Variants in DPYSL5 observed in about 807,000 individuals in gnomAD.
DPYSL5 encodes the protein dihydropyrimidinase-related protein 5.
In DPYSL5, 9 loss-of-function variants were observed where a neutral mutation model predicts 58.4. The observed-to-expected ratio is 0.15, with a 90% CI of 0.09 to 0.27. DPYSL5 has a LOEUF of 0.27. Ranked by LOEUF, DPYSL5 falls within the 10% of genes least tolerant of loss-of-function variation. The pLI is 1.00. For synonymous variants in DPYSL5, 293 were observed against 301.9 expected (o/e 0.97, Z 0.31); for missense variants, 499 against 770.6 (o/e 0.65, Z 4.17).
At chr2:26,923,103 A>G (rs1664742991) in intron 2 of DPYSL5, among the ~76,000 whole-genome samples, 1 of 152,212 alleles carries the variant, frequency 6.6e-6, no homozygotes, top group African/African-American at 2.4e-5. Flanking sequence ...ATTTAACTGA[A>G]TAGAGAAGCA....
intron 2 of DPYSL5, among the ~76,000 whole-genome samples, chr2:26,907,136 A>G (rs1282412370): frequency 6.6e-6 from 1 of 150,880 alleles, no homozygotes; most frequent in South Asian, 2.1e-4. Flanking sequence ...TTTTTTTGAG[A>G]TGGAGTCTTG....
rs535264835 is a variant in DPYSL5, at chr2:26,924,475, TTA to T, written c.262-410_262-409del. ...CAGACATTTGATTATGCCATCAATATTATGTTATTATATGATACAACACTATA... is the reference window on the plus strand; with the variant it reads ...CAGACATTTGATTATGCCATCAATATTGTTATTATATGATACAACACTATA... On this transcript the variant is annotated intron_variant, in intron 2 of 12. Transcript: ENST00000288699. The surrounding 1 kb of genome is among the most constrained non-coding windows in gnomAD (Gnocchi z 4.7). Among the ~76,000 whole-genome samples the T allele has an allele frequency of 5.0e-3, 764 of 152,276 alleles. 4 individuals carry two copies. Among genetic ancestry groups the T allele is most frequent in the Non-Finnish European group, 8.3e-3 (567 of 67,964 alleles).
intron 1 of DPYSL5, among the ~76,000 whole-genome samples, chr2:26,878,978 C>T (rs762183084): frequency 7.2e-5 from 11 of 152,206 alleles, no homozygotes; most frequent in Admixed American, 2.6e-4. Context: ...TTTCTGGTAC[C>T]GGCAGCCCTT....
intron 2 of DPYSL5, among the ~76,000 whole-genome samples, chr2:26,901,135 A>G (rs917992975): frequency 3.3e-5 from 5 of 152,078 alleles, no homozygotes; most frequent in Non-Finnish European, 5.9e-5. Flanking sequence ...TCCCATTTCT[A>G]CAGGTTCAGG....
rs1665089117 is a variant in DPYSL5 at position 26,933,452 on chromosome 2, C to T, written c.790+119C>T. 2 of 897,480 alleles carry T rather than the reference C, an allele frequency of 2.2e-6. No individual in the cohort carries two copies. The highest frequency in any genetic ancestry group is 2.0e-5 in the Admixed American group (1 of 50,502). The allele number at this position is 897,480 out of a possible 1,614,324, so 55.6% of individuals were successfully genotyped here. On this transcript the variant is annotated intron_variant, in intron 7 of 12. Transcript: ENST00000288699. The surrounding 1 kb of genome is among the most constrained non-coding windows in gnomAD (Gnocchi z 4.2). ...CCTGAAACCAGGACCTGAGCCAGCC[C>T]TTCCCTTTCATCTGCCACCGTCTTC...
chr2:26,912,756 G>A (rs911721963), intron 2 of DPYSL5, among the ~76,000 whole-genome samples: 5 of 152,238 alleles, frequency 3.3e-5, no homozygotes, highest in Admixed American at 3.3e-4. Context: ...CTGGATTAGA[G>A]AGAAGCCTGG....
intron 1 of DPYSL5, among the ~76,000 whole-genome samples, chr2:26,852,615 A>C (rs1322070582): frequency 6.6e-6 from 1 of 152,106 alleles, no homozygotes; most frequent in African/African-American, 2.4e-5. Flanking sequence ...CCTCGTCACA[A>C]TCCAGGCTCA....
Position 26,898,940 on chromosome 2 carries a change from C to T in DPYSL5, c.261+180C>T, listed in dbSNP as rs1664085748. Among the ~76,000 whole-genome samples, 2 of 152,174 alleles carry T rather than the reference C, an allele frequency of 1.3e-5. No individual in the cohort carries two copies. Among genetic ancestry groups the T allele is most frequent in the Admixed American group, 6.5e-5 (1 of 15,284 alleles). ...ATTTCCGGCTTAACGTCACAGATTT[C>T]CATGATTATAGAAAAGGAGGCGTTT... On this transcript the variant is annotated intron_variant, in intron 2 of 12. Transcript: ENST00000288699. The surrounding 1 kb of genome is among the most constrained non-coding windows in gnomAD (Gnocchi z 6.1).
chr2:26,852,033 CTG>C (rs1558317217), intron 1 of DPYSL5, among the ~76,000 whole-genome samples: 1 of 152,184 alleles, frequency 6.6e-6, no homozygotes, highest in African/African-American at 2.4e-5. Flanking sequence ...ACAAGAGTAT[CTG>C]AGACCCAGTC....
intron 1 of DPYSL5, among the ~76,000 whole-genome samples, chr2:26,848,844 G>C (rs916918359): frequency 3.9e-5 from 6 of 152,166 alleles, no homozygotes; most frequent in African/African-American, 1.4e-4. Flanking sequence ...CGAGCCTCCC[G>C]CCTGAGCCAC....
chr2:26,882,108 A>G (rs923038405), intron 1 of DPYSL5, among the ~76,000 whole-genome samples: 1 of 150,702 alleles, frequency 6.6e-6, no homozygotes, highest in Non-Finnish European at 1.5e-5. Flanking sequence ...AAAAAAAAAA[A>G]AAAAGAAAGA....
chr2:26,868,331 A>G (rs1663165177), intron 1 of DPYSL5, among the ~76,000 whole-genome samples: 1 of 152,078 alleles, frequency 6.6e-6, no homozygotes, highest in African/African-American at 2.4e-5. Flanking sequence ...AAAAATTTAA[A>G]CATTTTTATC....
intron 5 of DPYSL5, among the ~76,000 whole-genome samples, chr2:26,930,878 G>T (rs1664953362): frequency 6.6e-6 from 1 of 151,730 alleles, no homozygotes; most frequent in Non-Finnish European, 1.5e-5. Flanking sequence ...GGAGGCTGGG[G>T]CAGGAGAATG....
At chr2:26,903,663 G>A (rs1664217168) in intron 2 of DPYSL5, among the ~76,000 whole-genome samples, 1 of 151,994 alleles carries the variant, frequency 6.6e-6, no homozygotes, top group African/African-American at 2.4e-5. Flanking sequence ...GGTCTGCCTT[G>A]GGGAAGCTTG....
chr2:26,900,108 T>C (rs919634392), intron 2 of DPYSL5, among the ~76,000 whole-genome samples: 1 of 152,148 alleles, frequency 6.6e-6, no homozygotes, highest in Non-Finnish European at 1.5e-5. Context: ...AAATTGTAAG[T>C]ACACAGAATT....
At chr2:26,895,219 G>C (rs1421332183) in intron 1 of DPYSL5, among the ~76,000 whole-genome samples, 1 of 152,178 alleles carries the variant, frequency 6.6e-6, no homozygotes. Flanking sequence ...AGCTGTTCTA[G>C]TTCCTTTGCC....
Position 26,927,460 on chromosome 2 carries a change from G to A in DPYSL5, c.600+28G>A, listed in dbSNP as rs779047241. ...AAGTCTGCAGCCAAGAATATTGGAT[G>A]GAGGGACACCAGTGGAGACAGTTAG... On this transcript the variant is annotated intron_variant, in intron 4 of 12. Coordinates refer to ENST00000288699, the MANE Select transcript of DPYSL5 (RefSeq NM_020134.4). This position sits in a 1 kb window ranked among gnomAD's most constrained non-coding sequence, Gnocchi z 4.3. 1.2e-6 allele frequency: 2 copies of A among 1,609,892 alleles called. No homozygotes were observed. Among genetic ancestry groups the A allele is most frequent in the African/African-American group, 1.3e-5 (1 of 74,622 alleles).
intron 9 of DPYSL5, 107 bp from the exon 10 acceptor site, chr2:26,941,843 T>A (rs1665328678): frequency 6.8e-7 from 1 of 1,481,346 alleles, no homozygotes; most frequent in Non-Finnish European, 9.3e-7. Flanking sequence ...GTGACCACTG[T>A]CCTGACCACC....
Position 26,934,981 on chromosome 2 carries a change from A to T in DPYSL5, c.947+247A>T, listed in dbSNP as rs1448384849. Among the ~76,000 whole-genome samples the T allele has an allele frequency of 6.6e-6, 1 of 151,856 alleles. No individual in the cohort carries two copies. The highest frequency in any genetic ancestry group is 1.9e-4 in the East Asian group (1 of 5,194). On this transcript the variant is annotated intron_variant, in intron 8 of 12. Coordinates refer to ENST00000288699, the MANE Select transcript of DPYSL5 (RefSeq NM_020134.4). This position sits in a 1 kb window ranked among gnomAD's most constrained non-coding sequence, Gnocchi z 4.3. Reference sequence around the variant, plus strand: ...ACATATAGAACTGTGAACCGTGGTTATTCGGAATTTCAAAGGACATTGATC... The same window carrying T: ...ACATATAGAACTGTGAACCGTGGTTTTTCGGAATTTCAAAGGACATTGATC...
Sources: allele counts gnomAD v4.1 joint callset (sites outside exome capture counted in the v4.1 genomes callset), GRCh38; gene constraint gnomAD v4.1.1; non-coding constraint Gnocchi (gnomAD v3.1); transcripts MANE v1.5; gene names NCBI Gene and HGNC (gene_info 2026-07-23, HGNC 2026-07-21).